Variants in ZFP91 observed in about 807,000 individuals in gnomAD.
ZFP91 encodes the protein E3 ubiquitin-protein ligase ZFP91.
In ZFP91, 7 loss-of-function variants were observed where a neutral mutation model predicts 63.5. The ratio of observed to expected loss-of-function variants is 0.11; its 90% CI spans 0.06 to 0.21. The LOEUF (loss-of-function observed/expected upper bound fraction) is 0.21. Ranked by LOEUF, ZFP91 falls within the 10% of genes least tolerant of loss-of-function variation. The pLI, the probability that ZFP91 is intolerant of heterozygous loss-of-function variation, is 1.00. For missense variants in ZFP91, 628 were observed against 736.6 expected (o/e 0.85, Z 1.71); for synonymous variants, 330 against 272.1 (o/e 1.21, Z -2.10).
rs1855033686 is a variant in ZFP91, at chr11:58,579,224, G to GGCCGCCGCCTCCGCCTCC, written c.-51_-34dup. 3.7e-6 allele frequency: 5 copies of GGCCGCCGCCTCCGCCTCC among 1,339,984 alleles called. No individual in the cohort carries two copies. The highest frequency in any genetic ancestry group is 4.0e-5 in the Admixed American group (1 of 25,034). 83.0% of individuals were successfully genotyped at this position (1,339,984 alleles called of 1,614,324 possible). On this transcript the variant is annotated 5_prime_UTR_variant, in exon 1 of 11. Coordinates refer to ENST00000316059, the MANE Select transcript of ZFP91 (RefSeq NM_053023.5). ...GAGGGGGCGGGGGGAGCAGCGCCGA[G>GGCCGCCGCCTCCGCCTCC]GCCGCCGCCTCCGCCTCCGCCGCCT...
chr11:58,591,901 C>T (rs968023737), intron 2 of ZFP91, among the ~76,000 whole-genome samples: 1 of 152,022 alleles, frequency 6.6e-6, no homozygotes, highest in Non-Finnish European at 1.5e-5. Flanking sequence ...CGGTGTTGGT[C>T]TCTGCTGCTG....
intron 2 of ZFP91, among the ~76,000 whole-genome samples, chr11:58,588,179 A>T (rs1196592976): frequency 6.6e-6 from 1 of 152,140 alleles, no homozygotes; most frequent in African/African-American, 2.4e-5. Flanking sequence ...CTGGATCTCA[A>T]CCTTTTATTC....
chr11:58,619,333 C>T lies in ZFP91; in HGVS notation c.*1627C>T, dbSNP rs1855807676. On this transcript the variant is annotated 3_prime_UTR_variant, in exon 11 of 11. Coordinates refer to ENST00000316059, the MANE Select transcript of ZFP91 (RefSeq NM_053023.5). ...AGTGTTTTTGTACAAGGTCATACCG[C>T]CAGAAGCCCCAAATCCTATTTTGGC... is the stretch of plus-strand genomic sequence containing the variant. 6.6e-6 allele frequency: 1 copy of T among 152,194 alleles called. No individual in the cohort carries two copies. Among genetic ancestry groups the T allele is most frequent in the Non-Finnish European group, 1.5e-5 (1 of 68,074 alleles). 9.4% of individuals were successfully genotyped at this position (152,194 alleles called of 1,614,324 possible).
intron 9 of ZFP91, among the ~76,000 whole-genome samples, chr11:58,615,641 C>T (rs1228790441): frequency 6.6e-6 from 1 of 152,086 alleles, no homozygotes; most frequent in Admixed American, 6.6e-5. Flanking sequence ...TAAGTTAGAA[C>T]TGTGCGTTTT....
intron 1 of ZFP91, 144 bp from the exon 2 acceptor site, chr11:58,584,712 T>G (rs1855174976): frequency 1.5e-6 from 1 of 665,538 alleles, no homozygotes; most frequent in South Asian, 2.2e-5. Flanking sequence ...TGCAGATATG[T>G]TTCCATCACT....
chr11:58,591,482 A>G (rs149095729), intron 2 of ZFP91, among the ~76,000 whole-genome samples: 5 of 151,754 alleles, frequency 3.3e-5, no homozygotes, highest in East Asian at 1.9e-4. Flanking sequence ...CCCATTTCAA[A>G]TGTACAATTT....
intron 2 of ZFP91, among the ~76,000 whole-genome samples, chr11:58,596,633 T>C (rs1260631014): frequency 6.6e-6 from 1 of 152,018 alleles, no homozygotes; most frequent in African/African-American, 2.4e-5. Context: ...TTGTGTGGTG[T>C]CTGTTTGCAC....
rs200128013 is a variant in ZFP91, at chr11:58,616,580, AC to A, written c.1103-133del. On this transcript the variant is annotated intron_variant, in intron 9 of 10. Transcript: ENST00000316059. ...TACTTTTCTTTTTTAAATTTTGTTT[AC>A]CCAAAGTGTTTATACATTGAAAACA... 120 of 488,888 alleles carry A rather than the reference AC, an allele frequency of 2.5e-4. No homozygotes were observed. The East Asian group carries it at 3.9e-3, about 16-fold the overall frequency. 30.3% of individuals were successfully genotyped at this position (488,888 alleles called of 1,614,324 possible).
At chr11:58,595,607 G>T (rs565416224) in intron 2 of ZFP91, among the ~76,000 whole-genome samples, 2 of 146,792 alleles carry the variant, frequency 1.4e-5, no homozygotes, top group African/African-American at 5.1e-5. Context: ...AGACGGGGTC[G>T]TACTTTGTTG....
chr11:58,609,929 C>T lies in ZFP91; in HGVS notation c.470C>T (p.Thr157Ile). The stretch of plus-strand genomic sequence containing the variant: ...AGCCGGGGCTGGCGTAGTAGTAGGA[C>T]ATCTGTTTCTCGCCATCGTGATACA... ...RPSRGWRSSRTSVSRHRDTEN... is the reference protein window; with the variant it reads ...RPSRGWRSSRISVSRHRDTEN... The change falls in exon 3 of 11, where the codon ACA becomes ATA. Residue 157 changes from threonine (T) to isoleucine (I), a missense_variant. Coordinates refer to ENST00000316059, the MANE Select transcript of ZFP91 (RefSeq NM_053023.5). 6.2e-7 allele frequency: 1 copy of T among 1,614,198 alleles called. No individual in the cohort carries two copies. Among genetic ancestry groups the T allele is most frequent in the Non-Finnish European group, 8.5e-7 (1 of 1,180,016 alleles).
intron 10 of ZFP91, 57 bp downstream of exon 10, chr11:58,616,872 G>T: frequency 2.0e-6 from 3 of 1,521,846 alleles, no homozygotes; most frequent in Non-Finnish European, 2.7e-6. Context: ...CCTACTTGAA[G>T]GTTTGCCGCT....
chr11:58,601,758 C>A (rs1855493769), intron 2 of ZFP91, among the ~76,000 whole-genome samples: 1 of 151,872 alleles, frequency 6.6e-6, no homozygotes, highest in African/African-American at 2.4e-5. Context: ...GTGATTTATT[C>A]TTTGATCCAT....
In ZFP91 at chr11:58,610,303, G is replaced by A. The variant is rs199701052; in HGVS notation, c.586G>A (p.Gly196Arg). The A allele has an allele frequency of 1.1e-5, 17 of 1,595,716 alleles. 1 individual carries two copies. The Admixed American group carries it at 2.9e-4, about 27-fold the overall frequency. The change falls in exon 4 of 11, where the codon GGA becomes AGA. Residue 196 changes from glycine to arginine, a missense_variant. Physicochemically the swap from Gly to Arg is moderately radical, Grantham distance 125 (BLOSUM62 -2). This residue lies in a region of ZFP91 where 437 missense variants were observed against 380.3 expected (regional missense o/e 1.15). Coordinates refer to ENST00000316059, the MANE Select transcript of ZFP91 (RefSeq NM_053023.5). The part of the protein sequence containing the change: ...PNTDQLDYDV[G>R]EEHQSPGGIS... ...TTTTGGCTTTGTTTTTCTAGATGTTGGAGAAGAGCATCAGTCTCCAGGTGG... is the reference window on the plus strand; with the variant it reads ...TTTTGGCTTTGTTTTTCTAGATGTTAGAGAAGAGCATCAGTCTCCAGGTGG...
At chr11:58,585,675 T>C (rs1360916248) in intron 2 of ZFP91, among the ~76,000 whole-genome samples, 1 of 152,164 alleles carries the variant, frequency 6.6e-6, no homozygotes, top group Admixed American at 6.5e-5. Flanking sequence ...GGTCTGCTTA[T>C]AGCCTGCTAC....
In ZFP91 at chr11:58,579,072, G is replaced by C. The variant is rs999194462; in HGVS notation, c.-210G>C. ...GGCCCGCTGAGCGTCTGTGGCGCGCGCGCGCGCGCCGCCAGCGGTAGCGGA... is the reference window on the plus strand; with the variant it reads ...GGCCCGCTGAGCGTCTGTGGCGCGCCCGCGCGCGCCGCCAGCGGTAGCGGA... On this transcript the variant is annotated 5_prime_UTR_variant, in exon 1 of 11. Coordinates refer to ENST00000316059, the MANE Select transcript of ZFP91 (RefSeq NM_053023.5). 9 of 371,850 alleles carry C rather than the reference G, an allele frequency of 2.4e-5. No homozygotes were observed. Among genetic ancestry groups the C allele is most frequent in the Admixed American group, 9.9e-5 (2 of 20,114 alleles). 23.0% of individuals were successfully genotyped at this position (371,850 alleles called of 1,614,324 possible).
At chr11:58,595,031 C>T (rs949536975) in intron 2 of ZFP91, among the ~76,000 whole-genome samples, 1 of 152,128 alleles carries the variant, frequency 6.6e-6, no homozygotes. Flanking sequence ...TGCCGTGGTG[C>T]TTTCCATTTC....
intron 3 of ZFP91, 73 bp downstream of exon 3, chr11:58,610,112 G>A (rs926543013): frequency 6.5e-6 from 10 of 1,543,296 alleles, no homozygotes; most frequent in Non-Finnish European, 8.9e-6. Flanking sequence ...TTGAACATTT[G>A]TGTTAACAGC....
intron 1 of ZFP91, among the ~76,000 whole-genome samples, chr11:58,580,046 G>A (rs928097624): frequency 1.3e-5 from 2 of 150,338 alleles, no homozygotes; most frequent in African/African-American, 4.9e-5. Context: ...ATTCCCCCCC[G>A]CCTTCGCGTT....
At position 58,610,347 on chromosome 11, in the gene ZFP91, T is replaced by C. The variant is rs1163764154; in HGVS notation, c.617+13T>C. On this transcript the variant is annotated intron_variant, in intron 4 of 10. Coordinates refer to ENST00000316059, the MANE Select transcript of ZFP91 (RefSeq NM_053023.5). ...CAGGTGGCATTAGGTAAAAAAAACA[T>C]TAATATTTCATTTTTAAACCTTTGG... 2 of 1,581,314 alleles carry C rather than the reference T, an allele frequency of 1.3e-6. No homozygotes were observed. The highest frequency in any genetic ancestry group is 2.3e-5 in the South Asian group (2 of 85,394).
Sources: allele counts gnomAD v4.1 joint callset (sites outside exome capture counted in the v4.1 genomes callset), GRCh38; gene constraint gnomAD v4.1.1; regional missense constraint gnomAD v4.1.1; transcripts MANE v1.5; gene names NCBI Gene and HGNC (gene_info 2026-07-23, HGNC 2026-07-21).